LUZP2: variants seen among roughly 807,000 people sequenced by gnomAD.
LUZP2 encodes the protein leucine zipper protein 2.
In LUZP2, 52 loss-of-function variants were observed where a neutral mutation model predicts 51.6. The observed-to-expected ratio is 1.01, with a 90% confidence interval of 0.81 to 1.27. The LOEUF (loss-of-function observed/expected upper bound fraction) is 1.27. Among genes scored for constraint, LUZP2 ranks in the 50% most tolerant of loss-of-function variants. The pLI, the probability that LUZP2 is intolerant of heterozygous loss-of-function variation, is 0.00. For synonymous variants in LUZP2, 154 were observed against 137.3 expected, an observed-to-expected ratio of 1.12 and a Z score of -0.85; for missense variants, 436 against 395.4, an observed-to-expected ratio of 1.10 and a Z score of -0.87.
chr11:24,662,435 T>C (rs779165576), intron 1 of LUZP2, among the ~76,000 whole-genome samples: 2 of 152,128 alleles, frequency 1.3e-5, no homozygotes, highest in African/African-American at 2.4e-5. Flanking sequence ...AATTATAATA[T>C]GATTTACAAA....
chr11:24,660,088 C>A (rs552364508), intron 1 of LUZP2, among the ~76,000 whole-genome samples: 101 of 152,204 alleles, frequency 6.6e-4, no homozygotes, highest in South Asian at 2.1e-3. Context: ...CACTCTCCTG[C>A]CAGCCTTAAA....
At chr11:24,972,406 G>GTAC (rs1270112325) in intron 7 of LUZP2, among the ~76,000 whole-genome samples, 1 of 151,992 alleles carries the variant, frequency 6.6e-6, no homozygotes, top group Non-Finnish European at 1.5e-5. Context: ...TATAAGTTAA[G>GTAC]TACTATTATT....
intron 7 of LUZP2, among the ~76,000 whole-genome samples, chr11:24,924,017 T>C (rs1415599200): frequency 6.6e-6 from 1 of 152,036 alleles, no homozygotes; most frequent in Non-Finnish European, 1.5e-5. Flanking sequence ...CAGTGAGGGC[T>C]GATCAAAGCC....
At chr11:24,952,572 A>G (rs948637894) in intron 7 of LUZP2, among the ~76,000 whole-genome samples, 15 of 151,942 alleles carry the variant, frequency 9.9e-5, no homozygotes, top group African/African-American at 3.6e-4. Context: ...AACAGGAGCC[A>G]ATAATTGACA....
At chr11:24,920,240 A>T (rs1853997104) in intron 7 of LUZP2, among the ~76,000 whole-genome samples, 1 of 152,010 alleles carries the variant, frequency 6.6e-6, no homozygotes, top group South Asian at 2.1e-4. Flanking sequence ...AATAAAAACA[A>T]TTTTAAAATA....
intron 7 of LUZP2, among the ~76,000 whole-genome samples, chr11:24,931,146 G>A (rs189192670): frequency 1.1e-4 from 17 of 151,744 alleles, no homozygotes; most frequent in Admixed American, 4.6e-4. Flanking sequence ...AGGAGGCAGA[G>A]GTTGCAGTGA....
chr11:24,620,642 G>A (rs11028074), intron 1 of LUZP2, among the ~76,000 whole-genome samples: 20,382 of 152,040 alleles, frequency 0.13, 1,713 homozygotes, highest in East Asian at 0.24. Context: ...ATTTAATTTT[G>A]TCAGGTAACA....
At chr11:24,697,054 C>G (rs942720109) in intron 1 of LUZP2, among the ~76,000 whole-genome samples, 2 of 152,052 alleles carry the variant, frequency 1.3e-5, no homozygotes, top group East Asian at 3.9e-4. Flanking sequence ...TGAAATTAGG[C>G]AAGGTCTAAA....
intron 1 of LUZP2, among the ~76,000 whole-genome samples, chr11:24,510,204 T>G (rs1850268112): frequency 2.6e-5 from 4 of 152,212 alleles, no homozygotes; most frequent in Admixed American, 2.6e-4. Flanking sequence ...TGGCTAGCTC[T>G]TATGTCTTAA....
chr11:24,559,055 C>T (rs1227210027), intron 1 of LUZP2, among the ~76,000 whole-genome samples: 1 of 152,120 alleles, frequency 6.6e-6, no homozygotes, highest in Non-Finnish European at 1.5e-5. Flanking sequence ...TCAACTATAG[C>T]ATATAAATAA....
chr11:25,047,377 AT>A (rs1243774597), intron 9 of LUZP2, among the ~76,000 whole-genome samples: 55 of 10,380 alleles, frequency 5.3e-3, no homozygotes, highest in Admixed American at 0.027. Flanking sequence ...TCTTTTTTTT[AT>A]TTTTTTTAAT....
intron 9 of LUZP2, among the ~76,000 whole-genome samples, chr11:25,018,204 T>A (rs946838646): frequency 1.1e-4 from 16 of 152,272 alleles, no homozygotes; most frequent in Non-Finnish European, 1.9e-4. Context: ...AGGAGTCTTT[T>A]GGAGGCATCT....
chr11:24,838,704 T>C (rs1383156018), intron 5 of LUZP2, among the ~76,000 whole-genome samples: 1 of 151,722 alleles, frequency 6.6e-6, no homozygotes, highest in Admixed American at 6.6e-5. Context: ...AGTATGTATT[T>C]ATTTTCTATT....
intron 9 of LUZP2, among the ~76,000 whole-genome samples, chr11:25,004,253 T>C (rs1838777): frequency 0.4 from 61,536 of 151,996 alleles, 15,128 homozygotes; most frequent in East Asian, 0.87. Context: ...GACGAGGGGG[T>C]GGCTTGTTTC....
intron 6 of LUZP2, among the ~76,000 whole-genome samples, chr11:24,910,987 A>G (rs1853615548): frequency 6.6e-6 from 1 of 152,196 alleles, no homozygotes; most frequent in South Asian, 2.1e-4. Flanking sequence ...TCCACCTCGT[A>G]TATCAGCATA....
intron 1 of LUZP2, among the ~76,000 whole-genome samples, chr11:24,546,490 A>C (rs989241993): frequency 6.6e-6 from 1 of 152,082 alleles, no homozygotes; most frequent in Non-Finnish European, 1.5e-5. Flanking sequence ...TAAAAAAATG[A>C]ATTTTATCAA....
At chr11:24,906,083 A>T in intron 6 of LUZP2, 30 bp downstream of exon 6, 1 of 1,546,866 alleles carries the variant, frequency 6.5e-7, no homozygotes, top group East Asian at 2.3e-5. Flanking sequence ...TTCTAGCTTT[A>T]ACCAGATAAA....
At chr11:24,898,194 A>G (rs539421249) in intron 5 of LUZP2, among the ~76,000 whole-genome samples, 2 of 152,216 alleles carry the variant, frequency 1.3e-5, no homozygotes, top group Non-Finnish European at 2.9e-5. Context: ...GAACTTACAT[A>G]AATTGGAAGA....
chr11:24,639,659 C>T (rs1848566997), intron 1 of LUZP2, among the ~76,000 whole-genome samples: 1 of 151,822 alleles, frequency 6.6e-6, no homozygotes, highest in African/African-American at 2.4e-5. Context: ...CCACGTTGGT[C>T]AGGCTGGTCT....
Sources: allele counts gnomAD v4.1 joint callset (sites outside exome capture counted in the v4.1 genomes callset), GRCh38; gene constraint gnomAD v4.1.1; transcripts MANE v1.5; gene names NCBI Gene and HGNC (gene_info 2026-07-23, HGNC 2026-07-21).